Variants in ZMAT5 observed in about 807,000 individuals in gnomAD.
ZMAT5 encodes the protein zinc finger matrin-type protein 5.
Under a neutral mutation model 28.0 loss-of-function variants are expected in ZMAT5, and 23 were observed. That is an observed-to-expected ratio of 0.82 (90% CI 0.59 to 1.16). ZMAT5 has a LOEUF of 1.16. ZMAT5 is among the 50% of genes most tolerant of loss of function. The pLI, the probability that ZMAT5 is intolerant of heterozygous loss-of-function variation, is 0.00. For missense variants in ZMAT5, 173 were observed against 212.7 expected (o/e 0.81, Z 1.16); for synonymous variants, 76 against 84.1 (o/e 0.90, Z 0.52).
At chr22:29,753,626 T>C (rs769706502) in intron 1 of ZMAT5, among the ~76,000 whole-genome samples, 5 of 152,006 alleles carry the variant, frequency 3.3e-5, no homozygotes, top group Non-Finnish European at 7.4e-5. Flanking sequence ...GAGGCGAAGG[T>C]TGCAGTGAGC....
chr22:29,766,920 C>G lies in ZMAT5; in HGVS notation c.-76G>C, dbSNP rs1310216316. On this transcript the variant is annotated 5_prime_UTR_variant, in exon 1 of 6. Transcript: ENST00000344318. ...CCAGTGCGGAGAAAAGAGACTAGGA[C>G]TCGCCCCTCGACGTCTCGCGGAAGG... 6.4e-6 allele frequency: 1 copy of G among 155,922 alleles called. No individual in the cohort carries two copies. Among genetic ancestry groups the G allele is most frequent in the Non-Finnish European group, 1.4e-5 (1 of 69,770 alleles). 9.7% of individuals were successfully genotyped at this position (155,922 alleles called of 1,614,324 possible). A position where few individuals can be genotyped will look rare whatever the true frequency, so the allele number is the denominator to read the frequency against.
chr22:29,738,122 A>G (rs2067924226), intron 5 of ZMAT5, among the ~76,000 whole-genome samples: 1 of 152,060 alleles, frequency 6.6e-6, no homozygotes, highest in African/African-American at 2.4e-5. Flanking sequence ...ACAGGGGCCC[A>G]GCTTTGGGAG....
chr22:29,761,220 C>G, intron 1 of ZMAT5, among the ~76,000 whole-genome samples: 1 of 143,738 alleles, frequency 7.0e-6, no homozygotes, highest in African/African-American at 2.6e-5. Context: ...TTGCAGTGAG[C>G]CGAGATTGTG....
intron 5 of ZMAT5, among the ~76,000 whole-genome samples, chr22:29,734,894 G>A (rs1038697304): frequency 3.3e-5 from 5 of 152,144 alleles, no homozygotes; most frequent in Non-Finnish European, 7.4e-5. Flanking sequence ...GTGGGGAAGC[G>A]CCAGGGCCAG....
intron 3 of ZMAT5, among the ~76,000 whole-genome samples, chr22:29,741,740 C>G (rs1201263805): frequency 1.3e-5 from 2 of 152,096 alleles, no homozygotes; most frequent in African/African-American, 4.8e-5. Flanking sequence ...GCCTTGAACT[C>G]CTGGGCTCAA....
intron 1 of ZMAT5, among the ~76,000 whole-genome samples, chr22:29,761,093 T>C (rs940432591): frequency 2.1e-5 from 3 of 145,920 alleles, no homozygotes. Context: ...GCCAACGTGG[T>C]GAAACCCTGT....
At chr22:29,753,621 G>A (rs1186999007) in intron 1 of ZMAT5, among the ~76,000 whole-genome samples, 3 of 151,664 alleles carry the variant, frequency 2.0e-5, no homozygotes, top group Non-Finnish European at 2.9e-5. Context: ...TCCAGGAGGC[G>A]AAGGTTGCAG....
chr22:29,740,943 C>A (rs541070863), intron 3 of ZMAT5, among the ~76,000 whole-genome samples: 1 of 152,328 alleles, frequency 6.6e-6, no homozygotes, highest in African/African-American at 2.4e-5. Context: ...TGCTCACGAC[C>A]CTTCTCCAGC....
intron 1 of ZMAT5, among the ~76,000 whole-genome samples, chr22:29,764,626 G>A (rs1269511708): frequency 1.3e-5 from 2 of 152,078 alleles, no homozygotes; most frequent in African/African-American, 2.4e-5. Flanking sequence ...TCAGCCTCCC[G>A]AGTTGCTGGG....
intron 1 of ZMAT5, among the ~76,000 whole-genome samples, chr22:29,754,746 T>C (rs1052663267): frequency 6.6e-6 from 1 of 151,922 alleles, no homozygotes; most frequent in African/African-American, 2.4e-5. Flanking sequence ...TGGTGGTACA[T>C]ACCTGTAGTC....
chr22:29,739,626 C>A (rs2067942383), intron 4 of ZMAT5, among the ~76,000 whole-genome samples: 1 of 152,238 alleles, frequency 6.6e-6, no homozygotes, highest in Non-Finnish European at 1.5e-5. Flanking sequence ...CATTCCTGTC[C>A]CCGCTCGGCA....
intron 2 of ZMAT5, chr22:29,747,854 GCACCCAACTGCTCCC>G (rs2068022338): frequency 5.9e-6 from 1 of 168,302 alleles, no homozygotes; most frequent in Non-Finnish European, 1.3e-5. Flanking sequence ...GCCACTGACC[GCACCCAACTGCTCCC>G]CACGAAGCAG....
intron 1 of ZMAT5, among the ~76,000 whole-genome samples, chr22:29,762,358 G>A (rs2068165141): frequency 6.6e-6 from 1 of 152,224 alleles, no homozygotes; most frequent in South Asian, 2.1e-4. Context: ...CCCAGGCCCC[G>A]GAACGGTACG....
At chr22:29,741,355 G>A (rs2067961202) in intron 3 of ZMAT5, among the ~76,000 whole-genome samples, 2 of 152,168 alleles carry the variant, frequency 1.3e-5, no homozygotes, top group African/African-American at 4.8e-5. Flanking sequence ...CTGTAGGGAA[G>A]CCCCTGATCT....
chr22:29,752,740 G>A (rs1381831601), intron 1 of ZMAT5, among the ~76,000 whole-genome samples: 1 of 152,072 alleles, frequency 6.6e-6, no homozygotes, highest in South Asian at 2.1e-4. Context: ...TATTGGTCTC[G>A]CCATGTTGCC....
intron 4 of ZMAT5, among the ~76,000 whole-genome samples, chr22:29,738,685 C>T (rs1402363129): frequency 1.1e-4 from 16 of 152,092 alleles, no homozygotes; most frequent in Admixed American, 9.8e-4. Flanking sequence ...TCTTGGGGAG[C>T]TGGAAACAGG....
intron 1 of ZMAT5, among the ~76,000 whole-genome samples, chr22:29,761,438 G>A (rs559851081): frequency 6.6e-6 from 1 of 151,624 alleles, no homozygotes; most frequent in East Asian, 1.9e-4. Context: ...AAATTAGCCA[G>A]ACATGGTGGT....
At chr22:29,734,893 C>A (rs1330318179) in intron 5 of ZMAT5, among the ~76,000 whole-genome samples, 1 of 152,080 alleles carries the variant, frequency 6.6e-6, no homozygotes, top group Non-Finnish European at 1.5e-5. Flanking sequence ...TGTGGGGAAG[C>A]GCCAGGGCCA....
At chr22:29,739,465 C>CA (rs2067940816) in intron 4 of ZMAT5, among the ~76,000 whole-genome samples, 1 of 152,222 alleles carries the variant, frequency 6.6e-6, no homozygotes, top group Non-Finnish European at 1.5e-5. Context: ...GTACAGGTGT[C>CA]ATCTTGCTTC....
Sources: allele counts gnomAD v4.1 joint callset (sites outside exome capture counted in the v4.1 genomes callset), GRCh38; gene constraint gnomAD v4.1.1; transcripts MANE v1.5; gene names NCBI Gene and HGNC (gene_info 2026-07-23, HGNC 2026-07-21).